Variants in RBFOX1 observed in about 807,000 individuals in gnomAD.
RBFOX1 encodes RNA binding fox-1 homolog 1.
A neutral mutation model predicts 57.7 loss-of-function variants in RBFOX1; 8 were observed. That is an observed-to-expected ratio of 0.14 (90% CI 0.08 to 0.25). RBFOX1 has a LOEUF of 0.25. Among genes scored for constraint, RBFOX1 ranks in the 10% least tolerant of loss-of-function variants. The pLI is 1.00. For missense variants in RBFOX1, 611 were observed against 548.5 expected, an observed-to-expected ratio of 1.11 and a Z score of -1.14; for synonymous variants, 326 against 222.4, an observed-to-expected ratio of 1.47 and a Z score of -4.15.
intron 3 of RBFOX1, among the ~76,000 whole-genome samples, chr16:6,891,452 TACAC>T (rs1006699306): frequency 6.6e-6 from 1 of 151,230 alleles, no homozygotes; most frequent in African/African-American, 2.4e-5. Flanking sequence ...TGAAGACACA[TACAC>T]ACACACACTA....
chr16:6,219,480 G>C lies in RBFOX1; in HGVS notation c.-126-97515G>C, dbSNP rs1359453364. 2.6e-5 allele frequency among the ~76,000 whole-genome samples: 4 copies of C among 152,310 alleles called. No individual in the cohort carries two copies. In the South Asian group the frequency reaches 8.3e-4, roughly 32 times the overall value. On this transcript the variant is annotated intron_variant, in intron 1 of 15. Coordinates refer to ENST00000550418, the MANE Select transcript of RBFOX1 (RefSeq NM_018723.4). ...TAGAAAATATGTCTCGGTCAAGTCTGAGCTTCATTTTCTATTGATCCAGTC... is the reference window on the plus strand; with the variant it reads ...TAGAAAATATGTCTCGGTCAAGTCTCAGCTTCATTTTCTATTGATCCAGTC...
chr16:6,575,556 T>G (rs2097420859), intron 2 of RBFOX1, among the ~76,000 whole-genome samples: 1 of 151,820 alleles, frequency 6.6e-6, no homozygotes, highest in African/African-American at 2.4e-5. Flanking sequence ...CATACATACA[T>G]TTTAAAAAGA....
At chr16:5,262,054 A>G (rs1217026095) in intron 1 of RBFOX1, among the ~76,000 whole-genome samples, 3 of 152,244 alleles carry the variant, frequency 2.0e-5, no homozygotes, top group Non-Finnish European at 4.4e-5. Context: ...TAAATACAGT[A>G]AAAGAAACAC....
chr16:7,694,798 C>G (rs1598298210), intron 14 of RBFOX1, among the ~76,000 whole-genome samples: 1 of 152,030 alleles, frequency 6.6e-6, no homozygotes, highest in Admixed American at 6.6e-5. Context: ...AAAGGGGAGA[C>G]CGCTTGGAAT....
rs77220356 is a variant in RBFOX1 at position 5,609,368 on chromosome 16, C to T, written c.318+10407C>T. ...CATCCAGCCATCTTACATTCTCTGTCGCTTGTCTGAGACAGGAGTGGAATG... is the reference window on the plus strand; with the variant it reads ...CATCCAGCCATCTTACATTCTCTGTTGCTTGTCTGAGACAGGAGTGGAATG... On this transcript the variant is annotated intron_variant, in intron 3 of 19. Coordinates refer to the RBFOX1 transcript ENST00000641259. Among the ~76,000 whole-genome samples the T allele has an allele frequency of 2.5e-3, 383 of 152,314 alleles. 1 individual carries two copies. The highest frequency in any genetic ancestry group is 8.4e-3 in the African/African-American group (349 of 41,554).
At chr16:6,851,983 T>TG (rs1036200589) in intron 3 of RBFOX1, among the ~76,000 whole-genome samples, 1 of 151,160 alleles carries the variant, frequency 6.6e-6, no homozygotes, top group African/African-American at 2.4e-5. Flanking sequence ...TGGAGTCCAG[T>TG]GGTGTGATCT....
intron 1 of RBFOX1, among the ~76,000 whole-genome samples, chr16:5,276,802 G>T (rs1304222556): frequency 6.6e-6 from 1 of 152,136 alleles, no homozygotes; most frequent in Non-Finnish European, 1.5e-5. Flanking sequence ...AAAAATTGAT[G>T]TTGGCATGGA....
intron 3 of RBFOX1, among the ~76,000 whole-genome samples, chr16:6,981,817 T>C (rs1016524290): frequency 2.0e-5 from 3 of 152,120 alleles, no homozygotes; most frequent in African/African-American, 7.2e-5. Flanking sequence ...CAAGATGAGA[T>C]TGGGGTGGGG....
chr16:6,908,202 C>G (rs936744412), intron 3 of RBFOX1, among the ~76,000 whole-genome samples: 1 of 151,778 alleles, frequency 6.6e-6, no homozygotes, highest in Non-Finnish European at 1.5e-5. Context: ...ATTATTACCT[C>G]TGCTCAGCAT....
At chr16:6,101,115 T>C (rs75380695) in intron 1 of RBFOX1, among the ~76,000 whole-genome samples, 176 of 152,310 alleles carry the variant, frequency 1.2e-3, no homozygotes, top group African/African-American at 3.8e-3. Context: ...TCTTCCTCTG[T>C]AAAATGGGTA....
At chr16:6,999,043 A>G (rs902023939) in intron 3 of RBFOX1, among the ~76,000 whole-genome samples, 1 of 151,170 alleles carries the variant, frequency 6.6e-6, no homozygotes, top group African/African-American at 2.4e-5. Flanking sequence ...TAATTTTTGT[A>G]TTATTAGTAG....
intron 1 of RBFOX1, among the ~76,000 whole-genome samples, chr16:5,240,978 T>C (rs1436768956): frequency 2.0e-5 from 3 of 152,240 alleles, no homozygotes; most frequent in South Asian, 2.1e-4. Flanking sequence ...TTTTGATGGA[T>C]AATGGGGTTG....
intron 2 of RBFOX1, among the ~76,000 whole-genome samples, chr16:6,645,296 A>G (rs922329006): frequency 6.6e-6 from 1 of 152,142 alleles, no homozygotes; most frequent in East Asian, 1.9e-4. Flanking sequence ...GGCACTAGGG[A>G]CTAGTCGGCT....
intron 4 of RBFOX1, among the ~76,000 whole-genome samples, chr16:7,077,688 T>A (rs1302214613): frequency 6.6e-6 from 1 of 152,226 alleles, no homozygotes; most frequent in African/African-American, 2.4e-5. Flanking sequence ...TTTTTAAAAT[T>A]ATATCTGTCG....
At chr16:7,257,955 A>G (rs77368588) in intron 4 of RBFOX1, among the ~76,000 whole-genome samples, 4,326 of 152,320 alleles carry the variant, frequency 0.028, 97 homozygotes, top group Middle Eastern at 0.058. Context: ...GGGGAAAGAA[A>G]GCTGAACAGA....
chr16:7,304,540 T>C, intron 4 of RBFOX1: 1 of 985,236 alleles, frequency 1.0e-6, no homozygotes, highest in Non-Finnish European at 1.2e-6. Context: ...GCCAGATGGG[T>C]CCCCGCGCGT....
chr16:6,217,477 G>C (rs1231740760), intron 1 of RBFOX1, among the ~76,000 whole-genome samples: 1 of 152,138 alleles, frequency 6.6e-6, no homozygotes, highest in Non-Finnish European at 1.5e-5. Context: ...CACACGTGTT[G>C]AGGGGAGTAC....
rs2059439127 is a variant in RBFOX1, at chr16:5,948,019, GA to G, written c.351+80686del. On this transcript the variant is annotated intron_variant, in intron 4 of 19. Transcript: ENST00000641259. ...ATATGTTCATACATTTTCATGGCAG[GA>G]ACTCTTCAGCAGAACCAACGCTGCT... 3.3e-5 allele frequency among the ~76,000 whole-genome samples: 5 copies of G among 152,324 alleles called. No homozygotes were observed. The South Asian group carries it at 8.3e-4, about 25-fold the overall frequency.
rs149065581 is a variant in RBFOX1 at position 5,678,297 on chromosome 16, G to A, written c.318+79336G>A. ...AGTGCAGTCTGAATTAGACTGTTCT[G>A]TGGTGTCATCTGGGTTTAGCGGCTG... On this transcript the variant is annotated intron_variant, in intron 3 of 19. Transcript: ENST00000641259. Among the ~76,000 whole-genome samples the A allele has an allele frequency of 5.3e-5, 8 of 152,320 alleles. No homozygotes were observed. In the East Asian group the frequency reaches 1.5e-3, roughly 29 times the overall value.
Sources: allele counts gnomAD v4.1 joint callset (sites outside exome capture counted in the v4.1 genomes callset), GRCh38; gene constraint gnomAD v4.1.1; transcripts MANE v1.5; gene names NCBI Gene and HGNC (gene_info 2026-07-23, HGNC 2026-07-21).